The following FRMD1 variants were observed in gnomAD, a reference collection of about 807,000 sequenced individuals.
FRMD1 encodes the protein FERM domain containing 1, also known as FERM domain-containing protein 1.
Under a neutral mutation model 54.9 loss-of-function variants are expected in FRMD1, and 51 were observed. That is an observed-to-expected ratio of 0.93 (90% CI 0.74 to 1.17). The LOEUF is 1.17. FRMD1 is among the 50% of genes most tolerant of loss of function. The pLI, the probability that FRMD1 is intolerant of heterozygous loss-of-function variation, is 0.00. For missense variants in FRMD1, 729 were observed against 743.0 expected (o/e 0.98, Z 0.22); for synonymous variants, 324 against 306.4 (o/e 1.06, Z -0.60).
chr6:168,090,073 G>A (rs963048941), intron 1 of FRMD1, among the ~76,000 whole-genome samples: 11 of 152,066 alleles, frequency 7.2e-5, no homozygotes, highest in Non-Finnish European at 1.5e-4. Flanking sequence ...AGCCAATCCC[G>A]GCGGCGTTAC....
At chr6:168,077,194 T>G (rs991174885) in intron 1 of FRMD1, among the ~76,000 whole-genome samples, 5 of 151,566 alleles carry the variant, frequency 3.3e-5, no homozygotes, top group Non-Finnish European at 5.9e-5. Flanking sequence ...TGATAGAGGG[T>G]TCCTCTCCTA....
rs550506722 is a variant in FRMD1, at chr6:168,062,018, G to A, written c.871-37C>T. ...GGAGAGAAGTTGCCACTCCACAGGT[G>A]GAAAACCACGCTAGCCACAGGAAAG... On this transcript the variant is annotated intron_variant, in intron 7 of 10. Coordinates refer to ENST00000283309, the MANE Select transcript of FRMD1 (RefSeq NM_024919.6). 1.9e-5 allele frequency: 29 copies of A among 1,555,840 alleles called. No homozygotes were observed. The African/African-American group carries it at 3.0e-4, about 16-fold the overall frequency.
chr6:168,061,356 T>C (rs1379641553), intron 8 of FRMD1, among the ~76,000 whole-genome samples: 1 of 148,410 alleles, frequency 6.7e-6, no homozygotes. Context: ...GGCCAGGTCT[T>C]GTGCTCAGGT....
chr6:168,075,291 C>T lies in FRMD1; in HGVS notation c.258G>A (p.Val86=), dbSNP rs546920496. 1.2e-6 allele frequency: 2 copies of T among 1,613,696 alleles called. No homozygotes were observed. The highest frequency in any genetic ancestry group is 1.1e-5 in the South Asian group (1 of 91,088). Residue 86 remains valine (V), a synonymous_variant, in exon 2 of 11, where the codon GTG becomes GTA. Coordinates refer to ENST00000283309, the MANE Select transcript of FRMD1 (RefSeq NM_024919.6). ...AGAACTGCGCGTCTCTGATGCTCGC[C>T]ACGTTGCACACTTGCTGGAAAAGCT... The part of the protein sequence containing the change: ...GRELFQQVCN[V]ASIRDAQFFG...
At chr6:168,078,646 ACGGC>A (rs2115019666) in intron 1 of FRMD1, among the ~76,000 whole-genome samples, 5 of 39,170 alleles carry the variant, frequency 1.3e-4, no homozygotes, top group African/African-American at 4.2e-4. Context: ...GCTCACCCCC[ACGGC>A]CACCCAGGGC....
chr6:168,068,168 G>A (rs1227313341), intron 2 of FRMD1, among the ~76,000 whole-genome samples: 1 of 152,096 alleles, frequency 6.6e-6, no homozygotes, highest in African/African-American at 2.4e-5. Context: ...TAGTACCAAC[G>A]TGATCAACTT....
chr6:168,065,544 ATCT>A, intron 4 of FRMD1: 1 of 987,460 alleles, frequency 1.0e-6, no homozygotes, highest in Non-Finnish European at 1.2e-6. Flanking sequence ...CAGGTGCAAG[ATCT>A]TCTCATATAA....
At chr6:168,091,759 G>T (rs529085740) in intron 1 of FRMD1, among the ~76,000 whole-genome samples, 1 of 152,242 alleles carries the variant, frequency 6.6e-6, no homozygotes, top group Non-Finnish European at 1.5e-5. Context: ...AGACAGACAG[G>T]CTGGGATGCT....
upstream of FRMD1, among the ~76,000 whole-genome samples, chr6:168,079,333 C>T (rs886699887): frequency 1.3e-5 from 2 of 152,208 alleles, no homozygotes; most frequent in African/African-American, 2.4e-5. Flanking sequence ...GCTGGGCACC[C>T]GCCATGCAGC....
At position 168,061,889 on chromosome 6, in the gene FRMD1, CA is replaced by C; in HGVS notation, c.962del (p.Leu321ArgfsTer153). On this transcript the variant is annotated frameshift_variant, in exon 8 of 11. Coordinates refer to ENST00000283309, the MANE Select transcript of FRMD1 (RefSeq NM_024919.6). LOFTEE classifies it high-confidence loss of function. ...TGCTWRSRHL[L>X]HLLRASHQLH... ...GCTGGTGGCTGGCGCGCAGCAGGTGCAGCAGGTGCCTGGACCGCCAGGTGCA... is the reference window on the plus strand; with the variant it reads ...GCTGGTGGCTGGCGCGCAGCAGGTGCGCAGGTGCCTGGACCGCCAGGTGCA... 6.3e-7 allele frequency: 1 copy of C among 1,594,006 alleles called. No homozygotes were observed. The highest frequency in any genetic ancestry group is 2.3e-5 in the East Asian group (1 of 43,752).
intron 2 of FRMD1, among the ~76,000 whole-genome samples, chr6:168,073,310 G>T (rs1352653742): frequency 6.6e-6 from 1 of 152,112 alleles, no homozygotes. Flanking sequence ...TCCCCACCCT[G>T]CCTGGAGAGT....
upstream of FRMD1, among the ~76,000 whole-genome samples, chr6:168,084,928 GGGGCTGCAGCAGCGGAGT>G (rs1189303823): frequency 6.6e-6 from 1 of 152,184 alleles, no homozygotes; most frequent in Non-Finnish European, 1.5e-5. Flanking sequence ...AAAAGGTTGA[GGGGCTGCAGCAGCGGAGT>G]GGGCTGCTGG....
intron 1 of FRMD1, among the ~76,000 whole-genome samples, chr6:168,089,961 C>T (rs1800987670): frequency 6.6e-6 from 1 of 152,230 alleles, no homozygotes; most frequent in African/African-American, 2.4e-5. Context: ...GGAAAAGCAG[C>T]TGCTCAGCAC....
intron 1 of FRMD1, chr6:168,075,605 T>A: frequency 1.3e-6 from 1 of 771,078 alleles, no homozygotes; most frequent in Admixed American, 2.0e-5. Context: ...TGTCTGTCTC[T>A]GGTGTGAGGA....
chr6:168,058,989 G>A lies in FRMD1; in HGVS notation c.1407+135C>T, dbSNP rs570036543. The A allele has an allele frequency of 7.5e-6, 5 of 666,266 alleles. No individual in the cohort carries two copies. The East Asian group carries it at 8.4e-5, about 11-fold the overall frequency. The allele number at this position is 666,266 out of a possible 1,614,324, so 41.3% of individuals were successfully genotyped here. On this transcript the variant is annotated intron_variant, in intron 10 of 10. Transcript: ENST00000283309. ...AGCCTTGCTGCTCCCTGACTTGCCC[G>A]CTGCGTCTCTGGGGATGTCAGTCGA... is the stretch of plus-strand genomic sequence containing the variant.
In FRMD1 at chr6:168,062,743, C is replaced by T. The variant is rs536535026; in HGVS notation, c.870+151G>A. The T allele has an allele frequency of 1.3e-3, 2,089 of 1,567,056 alleles. 2 individuals carry two copies. The highest frequency in any genetic ancestry group is 1.7e-3 in the Non-Finnish European group (1,974 of 1,156,054). On this transcript the variant is annotated intron_variant, in intron 7 of 10. Transcript: ENST00000283309. Reference sequence around the variant, plus strand: ...GCTGCGGAGCACGGTCCACCTCCTGCGGGACAGCAGAGGCAGGGCGCGTCC... The same window carrying T: ...GCTGCGGAGCACGGTCCACCTCCTGTGGGACAGCAGAGGCAGGGCGCGTCC...
At chr6:168,070,335 A>G (rs9364394) in intron 2 of FRMD1, among the ~76,000 whole-genome samples, 5 of 103,210 alleles carry the variant, frequency 4.8e-5, no homozygotes, top group African/African-American at 1.9e-4. Context: ...AAGGAAAGAA[A>G]GAAGGAAGGA....
At chr6:168,061,523 T>C (rs1799734492) in intron 8 of FRMD1, among the ~76,000 whole-genome samples, 1 of 152,190 alleles carries the variant, frequency 6.6e-6, no homozygotes, top group South Asian at 2.1e-4. Context: ...TGTGGGCACA[T>C]GATGGGAGGA....
At chr6:168,067,550 G>A in intron 2 of FRMD1, 104 bp from the exon 3 acceptor site, 1 of 716,528 alleles carries the variant, frequency 1.4e-6, no homozygotes, top group South Asian at 1.8e-5. Context: ...ATGCACAGCT[G>A]AAAACTGTGC....
Sources: allele counts gnomAD v4.1 joint callset (sites outside exome capture counted in the v4.1 genomes callset), GRCh38; gene constraint gnomAD v4.1.1; transcripts MANE v1.5; gene names NCBI Gene and HGNC (gene_info 2026-07-23, HGNC 2026-07-21).